BARD1: variants seen among roughly 807,000 people sequenced by gnomAD.
BARD1 encodes BRCA1-associated RING domain protein 1.
BARD1 carries 73 observed loss-of-function variants against 77.0 expected under a neutral mutation model. The ratio of observed to expected loss-of-function variants is 0.95; its 90% CI spans 0.79 to 1.15. BARD1 has a LOEUF of 1.15. Among genes scored for constraint, BARD1 ranks in the 50% most tolerant of loss-of-function variants. BARD1 has a pLI of 0.00. For synonymous variants in BARD1, 384 were observed against 338.0 expected, an observed-to-expected ratio of 1.14 and a Z score of -1.49; for missense variants, 993 against 938.8, an observed-to-expected ratio of 1.06 and a Z score of -0.75.
intron 7 of BARD1, among the ~76,000 whole-genome samples, chr2:214,746,803 T>C (rs1693141215): frequency 6.6e-6 from 1 of 152,180 alleles, no homozygotes; most frequent in African/African-American, 2.4e-5. Flanking sequence ...GGGCAAGGAC[T>C]TCATGTCTAA....
intron 1 of BARD1, among the ~76,000 whole-genome samples, chr2:214,797,726 C>T (rs944344189): frequency 6.6e-6 from 1 of 152,084 alleles, no homozygotes; most frequent in Non-Finnish European, 1.5e-5. Context: ...CAATTTTTCA[C>T]AGATATATTG....
chr2:214,737,700 C>A (rs1486734823), intron 9 of BARD1, among the ~76,000 whole-genome samples: 1 of 152,098 alleles, frequency 6.6e-6, no homozygotes, highest in Non-Finnish European at 1.5e-5. Context: ...TATCAATGCA[C>A]TGGAAGAATC....
chr2:214,732,676 TGAACCACCAC>T (rs1692408513), intron 9 of BARD1, among the ~76,000 whole-genome samples: 1 of 152,220 alleles, frequency 6.6e-6, no homozygotes, highest in East Asian at 1.9e-4. Context: ...ATTACAGGCG[TGAACCACCAC>T]ACCTTGCTGA....
chr2:214,749,011 C>T (rs1257154917), intron 7 of BARD1, among the ~76,000 whole-genome samples: 1 of 151,992 alleles, frequency 6.6e-6, no homozygotes, highest in Admixed American at 6.6e-5. Flanking sequence ...AATAAAAATA[C>T]ATTACATCAA....
At chr2:214,742,849 C>A (rs982943986) in intron 9 of BARD1, among the ~76,000 whole-genome samples, 1 of 152,160 alleles carries the variant, frequency 6.6e-6, no homozygotes, top group African/African-American at 2.4e-5. Flanking sequence ...ATTACTGCGA[C>A]CTTACTATGA....
chr2:214,807,429 T>C (rs1696324858), intron 1 of BARD1, among the ~76,000 whole-genome samples: 1 of 152,222 alleles, frequency 6.6e-6, no homozygotes, highest in Non-Finnish European at 1.5e-5. Context: ...ATATATATTA[T>C]CTATTTTGTC....
In BARD1 at chr2:214,756,260, T is replaced by C. The variant is rs1693689740; in HGVS notation, c.1569-3705A>G. ...GGTGTAGCACTAATGACCAGGAAAA[T>C]GCAAATCAAAACCATATTGATACCA... is the stretch of plus-strand genomic sequence containing the variant. On this transcript the variant is annotated intron_variant, in intron 6 of 10. Coordinates refer to ENST00000260947, the MANE Select transcript of BARD1 (RefSeq NM_000465.4). 2.0e-5 allele frequency among the ~76,000 whole-genome samples: 3 copies of C among 152,028 alleles called. No individual in the cohort carries two copies. The South Asian group carries it at 6.2e-4, about 32-fold the overall frequency.
At position 214,728,619 on chromosome 2, in the gene BARD1, G is replaced by A; in HGVS notation, c.*57C>T. 6.6e-7 allele frequency: 1 copy of A among 1,525,062 alleles called. No homozygotes were observed. The highest frequency in any genetic ancestry group is 9.0e-7 in the Non-Finnish European group (1 of 1,107,718). 94.5% of individuals were successfully genotyped at this position (1,525,062 alleles called of 1,614,324 possible). A position where few individuals can be genotyped will look rare whatever the true frequency, so the allele number is the denominator to read the frequency against. ...ATGTGAACATTAAAAACAGTACAAT[G>A]ACTGGGCTCTCACAAACCGTGCAAA... is the stretch of plus-strand genomic sequence containing the variant. On this transcript the variant is annotated 3_prime_UTR_variant, in exon 11 of 11. Transcript: ENST00000260947.
intron 9 of BARD1, among the ~76,000 whole-genome samples, chr2:214,732,570 T>C (rs1345028120): frequency 6.6e-6 from 1 of 152,132 alleles, no homozygotes; most frequent in Non-Finnish European, 1.5e-5. Context: ...TAATTTTTTG[T>C]ACTTTTAGTA....
intron 2 of BARD1, among the ~76,000 whole-genome samples, 186 bp from the exon 3 acceptor site, chr2:214,792,631 T>C (rs751383349): frequency 2.6e-5 from 4 of 152,174 alleles, no homozygotes; most frequent in Non-Finnish European, 5.9e-5. Context: ...AGGTTGCTCA[T>C]GTAATTTGCT....
chr2:214,794,324 C>T lies in BARD1; in HGVS notation c.216-1879G>A, dbSNP rs147385560. 1.9e-3 allele frequency among the ~76,000 whole-genome samples: 296 copies of T among 152,220 alleles called. 1 individual carries two copies. The highest frequency in any genetic ancestry group is 6.6e-3 in the African/African-American group (276 of 41,554). On this transcript the variant is annotated intron_variant, in intron 2 of 10. Transcript: ENST00000260947. ...ATTAAAGAAGAATAGCCACAATTAT[C>T]TAAAAAAGCTACTGAAAATACTTCA... is the stretch of plus-strand genomic sequence containing the variant.
At chr2:214,735,728 T>G (rs1692540240) in intron 9 of BARD1, among the ~76,000 whole-genome samples, 1 of 152,156 alleles carries the variant, frequency 6.6e-6, no homozygotes, top group South Asian at 2.1e-4. Context: ...TAGCATGATG[T>G]GAATATGTCA....
chr2:214,733,217 C>T (rs1692432884), intron 9 of BARD1, among the ~76,000 whole-genome samples: 1 of 152,120 alleles, frequency 6.6e-6, no homozygotes, highest in African/African-American at 2.4e-5. Context: ...CCAAGTATCC[C>T]TTATCTGAAG....
intron 9 of BARD1, among the ~76,000 whole-genome samples, chr2:214,733,044 G>T (rs1692424661): frequency 6.6e-6 from 1 of 152,152 alleles, no homozygotes; most frequent in Non-Finnish European, 1.5e-5. Flanking sequence ...AGGTAGAAAA[G>T]ACCCTGAAGA....
chr2:214,801,512 A>T (rs1402140619), intron 1 of BARD1, among the ~76,000 whole-genome samples: 1 of 152,184 alleles, frequency 6.6e-6, no homozygotes, highest in Non-Finnish European at 1.5e-5. Flanking sequence ...AGTTCTTCAC[A>T]ATCTGTAACA....
chr2:214,809,328 C>T (rs940279831), intron 1 of BARD1, 84 bp downstream of exon 1: 3 of 1,569,334 alleles, frequency 1.9e-6, no homozygotes, highest in African/African-American at 1.4e-5. Context: ...AAGGAGGAAA[C>T]GGAAGATTTG....
chr2:214,799,433 C>A (rs1171993111), intron 1 of BARD1, among the ~76,000 whole-genome samples: 1 of 152,158 alleles, frequency 6.6e-6, no homozygotes, highest in Non-Finnish European at 1.5e-5. Flanking sequence ...CTATTCAAAA[C>A]AATCTCTATG....
intron 1 of BARD1, among the ~76,000 whole-genome samples, chr2:214,800,745 A>C (rs1333105095): frequency 1.3e-5 from 2 of 152,182 alleles, no homozygotes; most frequent in Non-Finnish European, 2.9e-5. Flanking sequence ...TTAAGAAATA[A>C]TAAAATTAAA....
chr2:214,788,560 T>G (rs1162955308), intron 3 of BARD1, among the ~76,000 whole-genome samples: 5 of 152,082 alleles, frequency 3.3e-5, no homozygotes, highest in African/African-American at 1.2e-4. Context: ...TTATAGTAAA[T>G]GCAAGTAACA....
Sources: gnomAD v4.1 joint callset for allele counts (sites outside exome capture counted in the v4.1 genomes callset) on GRCh38, gnomAD v4.1.1 for gene constraint, MANE v1.5 for transcripts, NCBI Gene and HGNC (gene_info 2026-07-23, HGNC 2026-07-21) for gene names.